The following ABCA12 variants were observed in gnomAD, a reference collection of about 807,000 sequenced individuals.
ABCA12 encodes the protein ATP binding cassette subfamily A member 12.
ABCA12 carries 156 observed loss-of-function variants against 293.5 expected under a neutral mutation model. The observed-to-expected ratio is 0.53, with a 90% CI of 0.47 to 0.61. The LOEUF (loss-of-function observed/expected upper bound fraction) is 0.61. Ranked by LOEUF, ABCA12 falls within the 20% of genes least tolerant of loss-of-function variation. The pLI is 0.00. For missense variants in ABCA12, 2,797 were observed against 3,090.2 expected (o/e 0.91, Z 2.25); for synonymous variants, 1,063 against 1,108.0 (o/e 0.96, Z 0.81).
At position 215,049,801 on chromosome 2, in the gene ABCA12, T is replaced by C. The variant is rs781289173; in HGVS notation, c.518A>G (p.Gln173Arg). ...TCGTATATCTTCTGAAGTTGAATTT[T>C]GCTTTAACAGCTAAAAGCATGTGTG... The part of the protein sequence containing the change: ...RILGLEKLLK[Q>R]NSTSEDIRRE... The change falls in exon 6 of 53, where the codon CAA becomes CGA. Residue 173 changes from glutamine to arginine, a missense_variant. By Grantham distance (43) the Gln-to-Arg change is conservative. This residue lies in a region of ABCA12 where 656 missense variants were observed against 638.2 expected (regional missense o/e 1.03). Coordinates refer to ENST00000272895, the MANE Select transcript of ABCA12 (RefSeq NM_173076.3). 1 of 1,612,684 alleles carries C rather than the reference T, an allele frequency of 6.2e-7. No individual in the cohort carries two copies. Among genetic ancestry groups the C allele is most frequent in the Non-Finnish European group, 8.5e-7 (1 of 1,179,396 alleles).
chr2:214,971,304 C>A (rs867093295), intron 36 of ABCA12, among the ~76,000 whole-genome samples: 1 of 152,134 alleles, frequency 6.6e-6, no homozygotes, highest in Non-Finnish European at 1.5e-5. Flanking sequence ...CAGAGTGACA[C>A]TGCTTTCACA....
In ABCA12 at chr2:214,934,599, T is replaced by TA. The variant is rs200828978; in HGVS notation, c.7543-385dup. ...TTTCATTTTTGTGTTAGAAGTGTTC[T>TA]AAAACGCTAAAAATTAGCAGTTCCA... On this transcript the variant is annotated intron_variant, in intron 51 of 52. Transcript: ENST00000272895. Among the ~76,000 whole-genome samples, 1,027 of 152,318 alleles carry TA rather than the reference T, an allele frequency of 6.7e-3. 20 individuals are homozygous for TA. The highest frequency in any genetic ancestry group is 0.023 in the African/African-American group (965 of 41,570).
chr2:215,084,637 T>C (rs1195523126), intron 2 of ABCA12, among the ~76,000 whole-genome samples: 1 of 152,148 alleles, frequency 6.6e-6, no homozygotes, highest in Non-Finnish European at 1.5e-5. Flanking sequence ...GTAACTATTA[T>C]CATCCCAACT....
At position 215,064,059 on chromosome 2, in the gene ABCA12, C is replaced by T. The variant is rs747384375; in HGVS notation, c.317+7G>A. ...AACAATTGAACACACTTGAGAAGTG[C>T]CCCCACCTGTCTTTAAATAGTGCAT... On this transcript the variant is annotated splice_region_variant and intron_variant, in intron 3 of 52. Transcript: ENST00000272895. 4.3e-6 allele frequency: 7 copies of T among 1,612,442 alleles called. No homozygotes were observed. The highest frequency in any genetic ancestry group is 1.1e-5 in the South Asian group (1 of 91,064).
intron 50 of ABCA12, among the ~76,000 whole-genome samples, chr2:214,940,376 C>T (rs1386887746): frequency 4.6e-5 from 7 of 152,194 alleles, no homozygotes; most frequent in African/African-American, 9.6e-5. Flanking sequence ...CAGTATTTTA[C>T]TGAGGATTTT....
Position 214,966,931 on chromosome 2 carries a change from T to C in ABCA12, c.5801A>G (p.Tyr1934Cys), listed in dbSNP as rs769946342. The change falls in exon 39 of 53, where the codon TAT (tyrosine) becomes TGT (cysteine). Residue 1934 changes from tyrosine to cysteine, a missense_variant. Tyr to Cys is a radical substitution (Grantham distance 194, BLOSUM62 -2). This residue lies in a region of ABCA12 where 2,130 missense variants were observed against 2,427.0 expected (regional missense o/e 0.88). Transcript: ENST00000272895. ...LAKVWYDPEG[Y>C]HSLPAYLNSL... ...GTTGAGGTAAGCTGGAAGGGAGTGA[T>C]AGCCTTCTGGATCATACCATACCTA... The C allele has an allele frequency of 6.2e-7, 1 of 1,613,796 alleles. No individual in the cohort carries two copies.
chr2:215,048,684 C>T (rs114139199), intron 6 of ABCA12, among the ~76,000 whole-genome samples: 1 of 152,032 alleles, frequency 6.6e-6, no homozygotes, highest in Non-Finnish European at 1.5e-5. Context: ...GCCTGAGTGA[C>T]AGAGTGAAGC....
At position 215,011,857 on chromosome 2, in the gene ABCA12, T is replaced by C. The variant is rs1700381759; in HGVS notation, c.2121+114A>G. The C allele has an allele frequency of 2.5e-6, 3 of 1,219,204 alleles. No individual in the cohort carries two copies. The South Asian group carries it at 3.9e-5, about 16-fold the overall frequency. The allele number at this position is 1,219,204 out of a possible 1,614,324, so 75.5% of individuals were successfully genotyped here. On this transcript the variant is annotated intron_variant, in intron 16 of 52. Coordinates refer to ENST00000272895, the MANE Select transcript of ABCA12 (RefSeq NM_173076.3). ...GTTGCTAGGTAGAAGAGTTTTCTTG[T>C]AGGTGTTGTTTTTTTTTTTTTCAAT...
In ABCA12 at chr2:215,015,479, C is replaced by T. The variant is rs778219577; in HGVS notation, c.1956+11G>A. The stretch of plus-strand genomic sequence containing the variant: ...CATGAATATAAACATATTTAACCAA[C>T]AGCAACTTGCCTTGTATGTGAAGTT... On this transcript the variant is annotated intron_variant, in intron 15 of 52. Transcript: ENST00000272895. 2.5e-6 allele frequency: 4 copies of T among 1,611,628 alleles called. No individual in the cohort carries two copies. Among genetic ancestry groups the T allele is most frequent in the Non-Finnish European group, 2.5e-6 (3 of 1,177,856 alleles).
intron 2 of ABCA12, among the ~76,000 whole-genome samples, chr2:215,098,583 A>G (rs1026350058): frequency 6.6e-6 from 1 of 152,214 alleles, no homozygotes; most frequent in African/African-American, 2.4e-5. Flanking sequence ...TTCAACAAAT[A>G]TTTGTTGGGT....
At chr2:214,944,492 A>G (rs1447814425) in intron 49 of ABCA12, among the ~76,000 whole-genome samples, 1 of 152,056 alleles carries the variant, frequency 6.6e-6, no homozygotes, top group East Asian at 1.9e-4. Flanking sequence ...GGGAAAGGGT[A>G]TGGAGATGGG....
At chr2:214,958,863 C>T (rs1258139983) in intron 40 of ABCA12, among the ~76,000 whole-genome samples, 161 bp downstream of exon 40, 8 of 152,180 alleles carry the variant, frequency 5.3e-5, no homozygotes, top group Non-Finnish European at 1.0e-4. Flanking sequence ...GCCCACTCTA[C>T]ACCCTTGCAG....
intron 39 of ABCA12, chr2:214,963,128 G>A (rs1699159652): frequency 6.6e-6 from 1 of 151,940 alleles, no homozygotes; most frequent in Non-Finnish European, 1.5e-5. Context: ...AACGAATCCA[G>A]GAGCTGTTTT....
At chr2:215,058,689 G>A (rs1701470280) in intron 3 of ABCA12, among the ~76,000 whole-genome samples, 1 of 151,936 alleles carries the variant, frequency 6.6e-6, no homozygotes, top group African/African-American at 2.4e-5. Flanking sequence ...ACTGGACCCG[G>A]CCACATGCAC....
intron 35 of ABCA12, among the ~76,000 whole-genome samples, chr2:214,974,576 A>T (rs1003221658): frequency 6.6e-6 from 1 of 152,224 alleles, no homozygotes; most frequent in Non-Finnish European, 1.5e-5. Flanking sequence ...TGTACAAATC[A>T]TAAGACATCT....
intron 4 of ABCA12, among the ~76,000 whole-genome samples, chr2:215,053,805 G>A (rs1701365321): frequency 6.6e-6 from 1 of 152,052 alleles, no homozygotes; most frequent in Non-Finnish European, 1.5e-5. Flanking sequence ...CCCTAAGACA[G>A]TGGCTGCTTA....
At chr2:215,122,193 AC>A (rs1210014441) in intron 1 of ABCA12, among the ~76,000 whole-genome samples, 2 of 152,190 alleles carry the variant, frequency 1.3e-5, no homozygotes, top group Non-Finnish European at 2.9e-5. Context: ...CACCTCAGTT[AC>A]TTTTTAATGG....
At chr2:215,054,874 A>G (rs1180868537) in intron 3 of ABCA12, among the ~76,000 whole-genome samples, 1 of 152,132 alleles carries the variant, frequency 6.6e-6, no homozygotes, top group Non-Finnish European at 1.5e-5. Flanking sequence ...AAAATGGCCT[A>G]GATGAAGTTT....
rs1205579707 is a variant in ABCA12, at chr2:214,951,095, C to T, written c.6648-12G>A. 4.4e-6 allele frequency: 7 copies of T among 1,608,814 alleles called. No individual in the cohort carries two copies. Among genetic ancestry groups the T allele is most frequent in the Non-Finnish European group, 5.1e-6 (6 of 1,175,738 alleles). ...TTCTGAAGAAAAGCCTAAAAATGGACCCAGTGATTTTACGTCAATGATTTT... is the reference window on the plus strand; with the variant it reads ...TTCTGAAGAAAAGCCTAAAAATGGATCCAGTGATTTTACGTCAATGATTTT... On this transcript the variant is annotated splice_polypyrimidine_tract_variant and intron_variant, in intron 44 of 52. Coordinates refer to ENST00000272895, the MANE Select transcript of ABCA12 (RefSeq NM_173076.3).
Sources: allele counts gnomAD v4.1 joint callset (sites outside exome capture counted in the v4.1 genomes callset), GRCh38; gene constraint gnomAD v4.1.1; regional missense constraint gnomAD v4.1.1; transcripts MANE v1.5; gene names NCBI Gene and HGNC (gene_info 2026-07-23, HGNC 2026-07-21).